The following SLC2A5 variants were observed in gnomAD, a reference collection of about 807,000 sequenced individuals.
SLC2A5 encodes the protein solute carrier family 2 member 5.
In SLC2A5, 56 loss-of-function variants were observed where a neutral mutation model predicts 50.3. That is an observed-to-expected ratio of 1.11 (90% CI 0.90 to 1.39). The LOEUF is 1.39. SLC2A5 is among the 40% of genes most tolerant of loss of function. The pLI, the probability that SLC2A5 is intolerant of heterozygous loss-of-function variation, is 0.00. For synonymous variants in SLC2A5, 269 were observed against 281.9 expected (o/e 0.95, Z 0.46); for missense variants, 566 against 650.1 (o/e 0.87, Z 1.41).
chr1:9,064,490 A>G (rs1642031529), intron 1 of SLC2A5, among the ~76,000 whole-genome samples: 3 of 152,180 alleles, frequency 2.0e-5, no homozygotes, highest in Admixed American at 2.0e-4. Flanking sequence ...TCAGTAAACC[A>G]GCTTCCTCCC....
At chr1:9,094,053 C>A in the SLC2A5 span, among the ~76,000 whole-genome samples, 2 of 152,200 alleles carry the variant, frequency 1.3e-5, 1 homozygote, top group South Asian at 4.1e-4. Context: ...TTACAACAAG[C>A]CTCAATTTGC....
At chr1:9,089,414 T>A (rs1642439195), upstream of SLC2A5, among the ~76,000 whole-genome samples, 1 of 152,156 alleles carries the variant, frequency 6.6e-6, no homozygotes, top group Non-Finnish European at 1.5e-5. Context: ...TATTTCCCAA[T>A]CTGCCCCAGA....
intron 1 of SLC2A5, 141 bp downstream of exon 1, chr1:9,069,362 TC>T: frequency 1.2e-6 from 1 of 814,640 alleles, no homozygotes; most frequent in Non-Finnish European, 2.0e-6. Flanking sequence ...GACAAGACTT[TC>T]CCCCTCTCCC....
At chr1:9,049,244 T>A (rs1237869652) in intron 3 of SLC2A5, 3 of 455,094 alleles carry the variant, frequency 6.6e-6, no homozygotes, top group Non-Finnish European at 8.8e-6. Flanking sequence ...TTGCCACACG[T>A]GAGAGCCGCT....
intron 2 of SLC2A5, chr1:9,082,941 G>A: frequency 5.1e-6 from 1 of 197,944 alleles, no homozygotes; most frequent in South Asian, 6.0e-5. Context: ...GGAATGAGCA[G>A]TGACAGCTAA....
At chr1:9,079,330 G>T (rs537683965) in intron 2 of SLC2A5, among the ~76,000 whole-genome samples, 1 of 151,968 alleles carries the variant, frequency 6.6e-6, no homozygotes, top group Non-Finnish European at 1.5e-5. Flanking sequence ...ATTTGACCTC[G>T]CCTATCAGAG....
At chr1:9,038,797 C>A in intron 9 of SLC2A5, 31 bp downstream of exon 9, 1 of 1,541,558 alleles carries the variant, frequency 6.5e-7, no homozygotes, top group Non-Finnish European at 8.8e-7. Flanking sequence ...TGGTGCAGCT[C>A]CGGGCTCCTG....
intron 2 of SLC2A5, among the ~76,000 whole-genome samples, chr1:9,080,552 T>C (rs1642339993): frequency 1.3e-5 from 2 of 152,206 alleles, no homozygotes; most frequent in South Asian, 2.1e-4. Context: ...TGAGCTCTCA[T>C]TGTGGTTTTG....
rs760269913 is a variant in SLC2A5, at chr1:9,047,622, C to A, written c.406G>T (p.Gly136Ter). 7.6e-5 allele frequency: 122 copies of A among 1,613,688 alleles called. No homozygotes were observed. Among genetic ancestry groups the A allele is most frequent in the Non-Finnish European group, 9.9e-5 (117 of 1,179,822 alleles). The change falls in exon 4 of 12, where the codon GGA becomes TGA. Residue 136 changes from glycine to a stop codon, truncating the protein, a stop_gained. Transcript: ENST00000377424. LOFTEE classifies it high-confidence loss of function. ...TAGCATTGTTTACCTGCACATATTC[C>A]CACCAAAAGTCTGGAAATAATGATA... Reference protein sequence around the residue: ...ELIIISRLLVGICAGVSSNVV... With the variant: ...ELIIISRLLV
intron 2 of SLC2A5, 21 bp from the exon 3 acceptor site, chr1:9,057,629 GAAC>G (rs1641795164): frequency 6.2e-7 from 1 of 1,603,532 alleles, no homozygotes; most frequent in East Asian, 2.2e-5. Flanking sequence ...AAGCAAAACA[GAAC>G]ACCAAAATAA....
Position 9,039,657 on chromosome 1 carries a change from G to C in SLC2A5, c.891C>G (p.Tyr297Ter). 2 of 1,541,702 alleles carry C rather than the reference G, an allele frequency of 1.3e-6. No individual in the cohort carries two copies. Among genetic ancestry groups the C allele is most frequent in the South Asian group, 2.4e-5 (2 of 82,974 alleles). ...GQQLSGVNAI[Y>*]YYADQIYLSA... Reference sequence around the variant, plus strand: ...TCAGGTAGATCTGGTCCGCGTAGTAGTAGATCTGCAAGGCAAGCGCGGGGC... The same window carrying C: ...TCAGGTAGATCTGGTCCGCGTAGTACTAGATCTGCAAGGCAAGCGCGGGGC... The change falls in exon 8 of 12, where the codon TAC (tyrosine) becomes TAG (stop). Residue 297 changes from tyrosine (Y) to a stop codon, truncating the protein, a stop_gained. Coordinates refer to ENST00000377424, the MANE Select transcript of SLC2A5 (RefSeq NM_003039.3). LOFTEE classifies it high-confidence loss of function.
At chr1:9,086,787 C>T (rs185894225) in intron 1 of SLC2A5, among the ~76,000 whole-genome samples, 35 of 152,230 alleles carry the variant, frequency 2.3e-4, no homozygotes, top group Admixed American at 1.9e-3. Context: ...GTATGGAAAA[C>T]GGTACTGGTG....
the SLC2A5 span, among the ~76,000 whole-genome samples, chr1:9,094,034 A>C: frequency 2.4e-4 from 37 of 152,122 alleles, 2 homozygotes; most frequent in East Asian, 3.5e-3. Context: ...AACTAAACAC[A>C]CGCCCCTTTT....
At chr1:9,062,637 C>T (rs1445865485) in intron 1 of SLC2A5, among the ~76,000 whole-genome samples, 2 of 152,086 alleles carry the variant, frequency 1.3e-5, no homozygotes, top group Non-Finnish European at 1.5e-5. Context: ...TTTGGGAGGC[C>T]AAGGCGGGAG....
At chr1:9,044,850 C>A (rs183356282) in intron 4 of SLC2A5, among the ~76,000 whole-genome samples, 1 of 152,238 alleles carries the variant, frequency 6.6e-6, no homozygotes, top group Non-Finnish European at 1.5e-5. Flanking sequence ...CCACTGCACC[C>A]GGCCATATGC....
upstream of SLC2A5, chr1:9,073,018 G>A (rs1642241636): frequency 6.6e-6 from 1 of 151,718 alleles, no homozygotes; most frequent in East Asian, 1.9e-4. Flanking sequence ...AGAATGAAAA[G>A]CAAATGTTTT....
At chr1:9,065,814 A>G (rs1187589719) in intron 1 of SLC2A5, among the ~76,000 whole-genome samples, 1 of 152,128 alleles carries the variant, frequency 6.6e-6, no homozygotes, top group East Asian at 1.9e-4. Flanking sequence ...CCTGGGCAAC[A>G]TAGTGAGACC....
chr1:9,038,535 G>A (rs778439593), intron 9 of SLC2A5, 29 bp from the exon 10 acceptor site: 10 of 1,589,774 alleles, frequency 6.3e-6, no homozygotes, highest in South Asian at 2.2e-5. Context: ...TGGTTCACCT[G>A]GAGCAGACAA....
Position 9,035,145 on chromosome 1 carries a change from A to C in SLC2A5, c.*2441T>G, listed in dbSNP as rs553219436. ...ACAATGGACATGTGAGACATTTACT[A>C]TTAGTGCCATTTAACAGAAGAGAAG... On this transcript the variant is annotated 3_prime_UTR_variant, in exon 12 of 12. Coordinates refer to ENST00000377424, the MANE Select transcript of SLC2A5 (RefSeq NM_003039.3). The C allele has an allele frequency of 2.0e-5, 3 of 152,350 alleles. No individual in the cohort carries two copies. Among genetic ancestry groups the C allele is most frequent in the African/African-American group, 7.2e-5 (3 of 41,582 alleles). 9.4% of individuals were successfully genotyped at this position (152,350 alleles called of 1,614,324 possible). A position where few individuals can be genotyped will look rare whatever the true frequency, so the allele number is the denominator to read the frequency against.
Sources: gnomAD v4.1 joint callset for allele counts (sites outside exome capture counted in the v4.1 genomes callset) on GRCh38, gnomAD v4.1.1 for gene constraint, MANE v1.5 for transcripts, NCBI Gene and HGNC (gene_info 2026-07-23, HGNC 2026-07-21) for gene names.